The following ROBO2 variants were observed in gnomAD, a reference collection of about 807,000 sequenced individuals.
ROBO2 encodes the protein roundabout guidance receptor 2.
Under a neutral mutation model 160.8 loss-of-function variants are expected in ROBO2, and 53 were observed. The ratio of observed to expected loss-of-function variants is 0.33; its 90% CI spans 0.26 to 0.41. ROBO2 has a LOEUF of 0.41. Ranked by LOEUF, ROBO2 falls within the 10% of genes least tolerant of loss-of-function variation. The probability of loss-of-function intolerance (pLI) is 1.00; values close to 1 mark genes in which losing one functional copy is unlikely to be tolerated. For synonymous variants in ROBO2, 664 were observed against 611.7 expected (o/e 1.09, Z -1.26); for missense variants, 1,577 against 1,722.4 (o/e 0.92, Z 1.49).
intron 2 of ROBO2, among the ~76,000 whole-genome samples, chr3:76,571,266 A>C (rs1459221860): frequency 6.6e-6 from 1 of 152,166 alleles, no homozygotes; most frequent in Non-Finnish European, 1.5e-5. Flanking sequence ...AGGAGATAAG[A>C]TTTTACCAGA....
At chr3:77,529,087 A>T (rs1433616333) in intron 6 of ROBO2, among the ~76,000 whole-genome samples, 1 of 151,504 alleles carries the variant, frequency 6.6e-6, no homozygotes, top group Non-Finnish European at 1.5e-5. Context: ...AGGTTCAGAA[A>T]TTCACTCATT....
intron 2 of ROBO2, among the ~76,000 whole-genome samples, chr3:76,319,073 T>A (rs1334752324): frequency 2.0e-5 from 3 of 152,134 alleles, no homozygotes; most frequent in Non-Finnish European, 4.4e-5. Context: ...CGAAAGGCCA[T>A]TACATTTTCA....
At chr3:76,984,634 C>T (rs993894322) in intron 2 of ROBO2, among the ~76,000 whole-genome samples, 1 of 151,884 alleles carries the variant, frequency 6.6e-6, no homozygotes. Flanking sequence ...TACATGGAAA[C>T]GTGGTGGGAA....
chr3:77,500,726 C>T (rs1308027626), intron 5 of ROBO2, among the ~76,000 whole-genome samples: 1 of 152,108 alleles, frequency 6.6e-6, no homozygotes, highest in Non-Finnish European at 1.5e-5. Context: ...TGTAGTTTTC[C>T]TGTGTTTTCA....
At chr3:77,001,550 G>C (rs1301905364) in intron 2 of ROBO2, among the ~76,000 whole-genome samples, 2 of 152,052 alleles carry the variant, frequency 1.3e-5, no homozygotes, top group Non-Finnish European at 2.9e-5. Context: ...GGGTTTGAGA[G>C]GGGATTTTGA....
At chr3:76,883,895 G>A (rs2073618308) in intron 2 of ROBO2, among the ~76,000 whole-genome samples, 1 of 152,078 alleles carries the variant, frequency 6.6e-6, no homozygotes, top group African/African-American at 2.4e-5. Context: ...TTCATGCTAT[G>A]GTGCAATGCA....
Position 77,057,382 on chromosome 3 carries a change from G to A in ROBO2, c.61+16536G>A, listed in dbSNP as rs1311541908. On this transcript the variant is annotated intron_variant, in intron 1 of 25. Coordinates refer to ENST00000461745, the Ensembl canonical transcript of ROBO2. ...TGTAAATGACGAGTTAATGGGTGCA[G>A]CACACCAACATGGCACATGTACACA... Among the ~76,000 whole-genome samples, 3 of 151,980 alleles carry A rather than the reference G, an allele frequency of 2.0e-5. No homozygotes were observed. The East Asian group carries it at 5.8e-4, about 30-fold the overall frequency.
At chr3:77,324,371 T>C (rs1386737470) in intron 2 of ROBO2, among the ~76,000 whole-genome samples, 1 of 152,174 alleles carries the variant, frequency 6.6e-6, no homozygotes, top group African/African-American at 2.4e-5. Flanking sequence ...TGCTACTTAC[T>C]GGCAAAATAG....
intron 2 of ROBO2, among the ~76,000 whole-genome samples, chr3:76,717,976 A>G (rs912144602): frequency 2.0e-5 from 3 of 152,354 alleles, no homozygotes; most frequent in African/African-American, 7.2e-5. Flanking sequence ...TTAAATTTCA[A>G]CTGATATAAG....
chr3:76,936,523 G>A (rs964589166), intron 2 of ROBO2, among the ~76,000 whole-genome samples: 2 of 152,034 alleles, frequency 1.3e-5, no homozygotes, highest in South Asian at 2.1e-4. Context: ...CAGGGAAGGT[G>A]TGACCTGAAG....
At chr3:76,646,212 G>A (rs2090962864) in intron 2 of ROBO2, among the ~76,000 whole-genome samples, 1 of 152,184 alleles carries the variant, frequency 6.6e-6, no homozygotes, top group African/African-American at 2.4e-5. Context: ...GTAGTCCTGG[G>A]AAAGCCTGAG....
chr3:76,617,768 G>T (rs970248818), intron 2 of ROBO2, among the ~76,000 whole-genome samples: 3 of 149,068 alleles, frequency 2.0e-5, no homozygotes, highest in African/African-American at 5.1e-5. Context: ...AAAGAAAAGA[G>T]ATGTAACTGA....
chr3:76,167,799 AT>A (rs2072894401), intron 2 of ROBO2, among the ~76,000 whole-genome samples: 1 of 152,216 alleles, frequency 6.6e-6, no homozygotes, highest in Admixed American at 6.5e-5. Flanking sequence ...ATAACAGTAG[AT>A]TTGTGTTCTA....
chr3:76,145,636 G>A (rs931857491), intron 2 of ROBO2, among the ~76,000 whole-genome samples: 3 of 151,960 alleles, frequency 2.0e-5, no homozygotes, highest in Non-Finnish European at 4.4e-5. Flanking sequence ...GAGATACATG[G>A]AGATATAGAT....
intron 2 of ROBO2, among the ~76,000 whole-genome samples, chr3:77,321,660 T>A (rs1346253303): frequency 6.6e-6 from 1 of 152,206 alleles, no homozygotes; most frequent in African/African-American, 2.4e-5. Flanking sequence ...AGTTTTAACT[T>A]GAACTTATTC....
chr3:77,551,798 C>T lies in ROBO2; in HGVS notation c.1231+809C>T, dbSNP rs368397636. Reference sequence around the variant, plus strand: ...TTTGGTCTGTGGTGTCTTCTTGATCCCCTTCTTTCTCTGATGGTGAAATTT... The same window carrying T: ...TTTGGTCTGTGGTGTCTTCTTGATCTCCTTCTTTCTCTGATGGTGAAATTT... On this transcript the variant is annotated intron_variant, in intron 8 of 25. Coordinates refer to ENST00000461745, the Ensembl canonical transcript of ROBO2. Among the ~76,000 whole-genome samples the T allele has an allele frequency of 5.9e-5, 9 of 151,968 alleles. No individual in the cohort carries two copies. The South Asian group carries it at 1.9e-3, about 31-fold the overall frequency.
intron 16 of ROBO2, among the ~76,000 whole-genome samples, chr3:77,583,907 A>G (rs1559664527): frequency 6.6e-6 from 1 of 152,160 alleles, no homozygotes; most frequent in Non-Finnish European, 1.5e-5. Flanking sequence ...TTCTCAAGAC[A>G]AAACCTCAGT....
chr3:75,963,345 C>T (rs1817724), intron 2 of ROBO2, among the ~76,000 whole-genome samples: 18,991 of 151,602 alleles, frequency 0.13, 1,314 homozygotes, highest in Non-Finnish European at 0.15. Context: ...TGCCACCACA[C>T]CCAGCTTTAT....
chr3:77,253,415 T>A (rs1358988487), intron 2 of ROBO2, among the ~76,000 whole-genome samples: 1 of 152,208 alleles, frequency 6.6e-6, no homozygotes, highest in Non-Finnish European at 1.5e-5. Context: ...CATAAAGACC[T>A]ATGTGACATA....
Sources: allele counts gnomAD v4.1 joint callset (sites outside exome capture counted in the v4.1 genomes callset), GRCh38; gene constraint gnomAD v4.1.1; transcripts MANE v1.5; gene names NCBI Gene and HGNC (gene_info 2026-07-23, HGNC 2026-07-21).